The following DLGAP2 variants were observed in gnomAD, a reference collection of about 807,000 sequenced individuals.
The protein encoded by DLGAP2 is DLG associated protein 2, also known as disks large-associated protein 2.
A neutral mutation model predicts 100.3 loss-of-function variants in DLGAP2; 26 were observed. The observed-to-expected ratio is 0.26, with a 90% CI of 0.19 to 0.36. DLGAP2 has a LOEUF of 0.36. Ranked by LOEUF, DLGAP2 falls within the 10% of genes least tolerant of loss-of-function variation. The probability of loss-of-function intolerance (pLI) is 1.00; values close to 1 mark genes in which losing one functional copy is unlikely to be tolerated. For synonymous variants in DLGAP2, 886 were observed against 630.1 expected (o/e 1.41, Z -6.08); for missense variants, 1,858 against 1,453.2 (o/e 1.28, Z -4.53).
rs967496314 is a variant in DLGAP2 at position 1,191,174 on chromosome 8, T to A, written c.74-67677T>A. ...AAGTGTTTCAATATAAGTAGATACATTTTTTTTTTTTTTTTGAGACGGAAT... is the reference window on the plus strand; with the variant it reads ...AAGTGTTTCAATATAAGTAGATACAATTTTTTTTTTTTTTTGAGACGGAAT... On this transcript the variant is annotated intron_variant, in intron 2 of 14. Transcript: ENST00000637795. Among the ~76,000 whole-genome samples, 3 of 44,108 alleles carry A rather than the reference T, an allele frequency of 6.8e-5. No individual in the cohort carries two copies. In the Admixed American group the frequency reaches 7.5e-4, roughly 11 times the overall value. The allele number at this position is 44,108 out of a possible 152,430, so 28.9% of individuals were successfully genotyped here. A position where few individuals can be genotyped will look rare whatever the true frequency, so the allele number is the denominator to read the frequency against.
chr8:777,968 C>G (rs1821573388), intron 1 of DLGAP2, among the ~76,000 whole-genome samples: 2 of 152,084 alleles, frequency 1.3e-5, no homozygotes, highest in Admixed American at 6.6e-5. Flanking sequence ...TCCATTCTCC[C>G]CATCACTTTC....
At chr8:1,062,948 A>C (rs1803130769) in intron 2 of DLGAP2, among the ~76,000 whole-genome samples, 1 of 152,210 alleles carries the variant, frequency 6.6e-6, no homozygotes, top group Admixed American at 6.5e-5. Context: ...CATTTGCTAT[A>C]GCAAAGATGC....
chr8:759,091 T>C (rs75267744), intron 1 of DLGAP2, among the ~76,000 whole-genome samples: 10,065 of 16,080 alleles, frequency 0.63, 2,620 homozygotes, highest in Non-Finnish European at 0.65. Flanking sequence ...ACAGCCTTCC[T>C]GTTATCAATA....
chr8:1,430,363 T>G (rs1265753550), intron 3 of DLGAP2, among the ~76,000 whole-genome samples: 1 of 152,166 alleles, frequency 6.6e-6, no homozygotes, highest in Non-Finnish European at 1.5e-5. Flanking sequence ...ACATTTACGT[T>G]GCATTGCGAA....
intron 1 of DLGAP2, among the ~76,000 whole-genome samples, chr8:877,770 T>C (rs1447195682): frequency 1.3e-5 from 2 of 152,228 alleles, no homozygotes; most frequent in East Asian, 3.9e-4. Flanking sequence ...TTTAAGCTTC[T>C]TCATATTCTG....
chr8:1,440,499 G>C (rs1389610491), intron 3 of DLGAP2, among the ~76,000 whole-genome samples: 1 of 152,232 alleles, frequency 6.6e-6, no homozygotes, highest in African/African-American at 2.4e-5. Flanking sequence ...CCAGCAGAGA[G>C]AAAACCCAGA....
chr8:1,459,684 CTT>C (rs3052056), intron 3 of DLGAP2, among the ~76,000 whole-genome samples: 8 of 120,820 alleles, frequency 6.6e-5, no homozygotes, highest in Non-Finnish European at 6.6e-5. Flanking sequence ...CTGTTGTTTT[CTT>C]TTTTTTTTTT....
intron 2 of DLGAP2, among the ~76,000 whole-genome samples, chr8:1,191,843 C>T (rs1023580608): frequency 1.3e-5 from 2 of 152,104 alleles, no homozygotes; most frequent in Non-Finnish European, 2.9e-5. Flanking sequence ...GCTGATATTA[C>T]GTGTTCACAT....
rs201306079 is a variant in DLGAP2, at chr8:1,169,940, A to C, written c.74-88911A>C. Among the ~76,000 whole-genome samples the C allele has an allele frequency of 1.4e-3, 219 of 152,026 alleles. 6 individuals are homozygous for C. In the East Asian group the frequency reaches 0.036, roughly 25 times the overall value. ...CTAGGTTGAATAGGAGTGGTGAGAG[A>C]GGGCATCCCTGTCTTGTGCCAGTTT... is the stretch of plus-strand genomic sequence containing the variant. On this transcript the variant is annotated intron_variant, in intron 2 of 14. Transcript: ENST00000637795.
At chr8:1,414,951 G>A (rs555299155) in intron 3 of DLGAP2, among the ~76,000 whole-genome samples, 1 of 152,266 alleles carries the variant, frequency 6.6e-6, no homozygotes, top group South Asian at 2.1e-4. Context: ...GGAGGTTTCA[G>A]TGAGCTGAGG....
chr8:964,573 G>C (rs182997070), intron 2 of DLGAP2, among the ~76,000 whole-genome samples: 1 of 152,238 alleles, frequency 6.6e-6, no homozygotes, highest in East Asian at 1.9e-4. Context: ...GGTATCTGCC[G>C]TGTTCCCCAC....
intron 3 of DLGAP2, among the ~76,000 whole-genome samples, chr8:1,264,980 C>A (rs1291821679): frequency 6.6e-6 from 1 of 152,172 alleles, no homozygotes; most frequent in Non-Finnish European, 1.5e-5. Context: ...CATGCCGTTG[C>A]TCCTCCTTTG....
At chr8:1,308,361 C>T (rs1022739434) in intron 3 of DLGAP2, among the ~76,000 whole-genome samples, 1 of 152,148 alleles carries the variant, frequency 6.6e-6, no homozygotes, top group East Asian at 1.9e-4. Flanking sequence ...AGTCACTAAA[C>T]AGACTACACC....
chr8:1,622,314 T>G (rs1205674455), intron 6 of DLGAP2: 3 of 152,258 alleles, frequency 2.0e-5, no homozygotes, highest in Non-Finnish European at 2.9e-5. Context: ...AAAAATTTTC[T>G]TAAATATCTC....
intron 2 of DLGAP2, among the ~76,000 whole-genome samples, chr8:1,092,626 C>T (rs555885564): frequency 3.3e-4 from 51 of 152,352 alleles, no homozygotes; most frequent in African/African-American, 1.2e-3. Flanking sequence ...GCCTTCAAGG[C>T]TGCAGACATT....
intron 2 of DLGAP2, among the ~76,000 whole-genome samples, chr8:1,075,829 G>T (rs192450880): frequency 4.3e-4 from 65 of 152,146 alleles, no homozygotes; most frequent in African/African-American, 1.4e-3. Context: ...CACCTTGGGA[G>T]GCCAAGGTAG....
chr8:1,534,456 A>G (rs1801085452), intron 4 of DLGAP2, among the ~76,000 whole-genome samples: 1 of 152,248 alleles, frequency 6.6e-6, no homozygotes, highest in Non-Finnish European at 1.5e-5. Flanking sequence ...ATCAAGGGCA[A>G]TTAAGTTGCA....
chr8:1,586,550 G>A (rs914642808), intron 6 of DLGAP2, among the ~76,000 whole-genome samples: 1 of 152,158 alleles, frequency 6.6e-6, no homozygotes, highest in South Asian at 2.1e-4. Flanking sequence ...GGGTCTGCTG[G>A]TTAGCAACCT....
At chr8:857,799 C>T (rs1020213839) in intron 1 of DLGAP2, among the ~76,000 whole-genome samples, 9 of 152,134 alleles carry the variant, frequency 5.9e-5, no homozygotes, top group Admixed American at 1.3e-4. Context: ...TTTGCCATGC[C>T]GTCTAGCAGT....
Sources: allele counts gnomAD v4.1 joint callset (sites outside exome capture counted in the v4.1 genomes callset), GRCh38; gene constraint gnomAD v4.1.1; transcripts MANE v1.5; gene names NCBI Gene and HGNC (gene_info 2026-07-23, HGNC 2026-07-21).